MED27: variants seen among roughly 807,000 people sequenced by gnomAD.
MED27 encodes mediator of RNA polymerase II transcription subunit 27.
A neutral mutation model predicts 38.2 loss-of-function variants in MED27; 30 were observed. That is an observed-to-expected ratio of 0.79 (90% CI 0.59 to 1.07). The LOEUF (loss-of-function observed/expected upper bound fraction) is 1.07. MED27 is among the 50% of genes least tolerant of loss of function. The pLI is 0.00. For synonymous variants in MED27, 122 were observed against 153.5 expected (o/e 0.79, Z 1.52); for missense variants, 289 against 397.5 (o/e 0.73, Z 2.32).
intron 4 of MED27, among the ~76,000 whole-genome samples, chr9:131,919,468 T>C (rs1564283282): frequency 6.6e-6 from 1 of 152,006 alleles, no homozygotes; most frequent in African/African-American, 2.4e-5. Flanking sequence ...TGATTTTTTT[T>C]TTAAGGATGA....
chr9:132,048,725 G>A (rs1051667348), intron 2 of MED27, among the ~76,000 whole-genome samples: 1 of 152,142 alleles, frequency 6.6e-6, no homozygotes, highest in East Asian at 1.9e-4. Flanking sequence ...CTGTGGCCAC[G>A]GCCCGTCCTT....
chr9:132,034,601 G>T (rs565311489), intron 2 of MED27, among the ~76,000 whole-genome samples: 68 of 152,308 alleles, frequency 4.5e-4, no homozygotes, highest in African/African-American at 1.6e-3. Flanking sequence ...TGGAACCTCA[G>T]CGCGATAGCT....
chr9:131,885,333 A>G (rs568265171), intron 5 of MED27, among the ~76,000 whole-genome samples: 1 of 152,206 alleles, frequency 6.6e-6, no homozygotes, highest in Non-Finnish European at 1.5e-5. Context: ...GTGGTGCTCA[A>G]ATCCTGGCTG....
intron 2 of MED27, among the ~76,000 whole-genome samples, chr9:132,075,273 A>T (rs1199452861): frequency 6.6e-6 from 1 of 152,178 alleles, no homozygotes; most frequent in Admixed American, 6.5e-5. Context: ...AGCTATAAAC[A>T]GGTCAGTTTA....
intron 2 of MED27, among the ~76,000 whole-genome samples, chr9:132,063,575 A>G (rs1833744737): frequency 1.3e-5 from 2 of 152,234 alleles, no homozygotes; most frequent in African/African-American, 4.8e-5. Flanking sequence ...AGCAATTAAA[A>G]TTAACACGGA....
intron 2 of MED27, among the ~76,000 whole-genome samples, chr9:132,058,995 C>T (rs1224704145): frequency 6.6e-6 from 1 of 152,188 alleles, no homozygotes; most frequent in Non-Finnish European, 1.5e-5. Context: ...CCCTTCCCCA[C>T]CGTGCACACC....
chr9:132,016,687 T>G (rs1407611637), intron 2 of MED27, among the ~76,000 whole-genome samples: 1 of 152,196 alleles, frequency 6.6e-6, no homozygotes, highest in African/African-American at 2.4e-5. Flanking sequence ...GCTCAAGGAA[T>G]CGACTCTCCT....
chr9:131,945,372 G>A (rs1009598185), intron 3 of MED27, among the ~76,000 whole-genome samples: 8 of 151,970 alleles, frequency 5.3e-5, no homozygotes, highest in African/African-American at 1.9e-4. Context: ...CATATATTGT[G>A]GAACAGTTAA....
At chr9:131,885,657 C>A (rs1196840278) in intron 5 of MED27, among the ~76,000 whole-genome samples, 1 of 152,160 alleles carries the variant, frequency 6.6e-6, no homozygotes, top group Admixed American at 6.5e-5. Flanking sequence ...TCATTCTAAC[C>A]AAAAACATTT....
At position 132,077,494 on chromosome 9, in the gene MED27, T is replaced by A. The variant is rs1193316662; in HGVS notation, c.296A>T (p.Asp99Val). The change falls in exon 2 of 8, where the codon GAC becomes GTC. Residue 99 changes from aspartate (D) to valine (V), a missense_variant. Asp to Val is a radical substitution (Grantham distance 152, BLOSUM62 -3). Transcript: ENST00000292035. ...GAGTTGACTATAGAGAGGAGTTTTG[T>A]CCTGCACAGGATCCAGGCTTAACAG... is the stretch of plus-strand genomic sequence containing the variant. ...SGLLSLDPVQ[D>V]KTPLYSQLLQ... is the part of the protein sequence containing the mutation. 6.2e-7 allele frequency: 1 copy of A among 1,614,078 alleles called. No homozygotes were observed. Among genetic ancestry groups the A allele is most frequent in the Non-Finnish European group, 8.5e-7 (1 of 1,180,044 alleles).
intron 2 of MED27, among the ~76,000 whole-genome samples, chr9:132,017,040 A>G (rs1832618679): frequency 6.6e-6 from 1 of 152,212 alleles, no homozygotes; most frequent in East Asian, 1.9e-4. Flanking sequence ...ATAAGGATTA[A>G]GCAGCACTTG....
At chr9:132,055,258 T>C (rs1833551117) in intron 2 of MED27, among the ~76,000 whole-genome samples, 1 of 152,218 alleles carries the variant, frequency 6.6e-6, no homozygotes, top group Admixed American at 6.5e-5. Context: ...AAAATAGTTA[T>C]GCCCCCAATA....
chr9:131,992,594 A>C (rs1456213545), intron 3 of MED27, among the ~76,000 whole-genome samples: 1 of 151,926 alleles, frequency 6.6e-6, no homozygotes, highest in Non-Finnish European at 1.5e-5. Context: ...AGAGATGGGG[A>C]TCTAACTACA....
chr9:131,996,360 C>A (rs2131049610), intron 3 of MED27, among the ~76,000 whole-genome samples: 1 of 152,256 alleles, frequency 6.6e-6, no homozygotes, highest in Middle Eastern at 3.4e-3. Flanking sequence ...CTGGGTCTTG[C>A]CACTATGGGA....
At chr9:131,914,641 A>G (rs1335153965) in intron 4 of MED27, among the ~76,000 whole-genome samples, 3 of 152,184 alleles carry the variant, frequency 2.0e-5, no homozygotes, top group African/African-American at 7.2e-5. Context: ...TGGGTCACGT[A>G]GGGGCTTAGA....
At chr9:131,870,683 T>C (rs1213940216) in intron 6 of MED27, among the ~76,000 whole-genome samples, 2 of 152,106 alleles carry the variant, frequency 1.3e-5, no homozygotes, top group Non-Finnish European at 2.9e-5. Context: ...AAAGTGCCAT[T>C]TCCAGGCCCT....
In MED27 at chr9:131,893,935, G is replaced by T; in HGVS notation, c.631C>A (p.Arg211=). 1 of 1,614,080 alleles carries T rather than the reference G, an allele frequency of 6.2e-7. No homozygotes were observed. Among genetic ancestry groups the T allele is most frequent in the Non-Finnish European group, 8.5e-7 (1 of 1,180,010 alleles). ...TCGTTATATCCCTTTACTATTGTTCGATCAATGAACAGGCTCCGCATGACG... is the reference window on the plus strand; with the variant it reads ...TCGTTATATCCCTTTACTATTGTTCTATCAATGAACAGGCTCCGCATGACG... The part of the protein sequence containing the change: ...IVVMRSLFID[R]TIVKGYNENV... The change falls in exon 5 of 8, where the codon CGA becomes AGA. Residue 211 remains arginine, a synonymous_variant. Coordinates refer to ENST00000292035, the MANE Select transcript of MED27 (RefSeq NM_004269.4).
In MED27 at chr9:131,860,658, A is replaced by G. The variant is rs779311595; in HGVS notation, c.816T>C (p.Ser272=). 2.5e-6 allele frequency: 4 copies of G among 1,613,330 alleles called. No homozygotes were observed. The highest frequency in any genetic ancestry group is 1.1e-5 in the South Asian group (1 of 90,834). ...ACGGGGCCTGGAACAGCTTTATGTA[A>G]CTTCTTAACCAGGTCTAAAAAGAGA... is the stretch of plus-strand genomic sequence containing the variant. ...VVRSFMTWLR[S]YIKLFQAPCQ... Residue 272 remains serine (S), a synonymous_variant, in exon 8 of 8, where the codon AGT becomes AGC. Transcript: ENST00000292035. This position sits in a 1 kb window ranked among gnomAD's most constrained non-coding sequence, Gnocchi z 5.8.
chr9:132,022,562 C>G (rs1375155470), intron 2 of MED27, among the ~76,000 whole-genome samples: 2 of 152,122 alleles, frequency 1.3e-5, no homozygotes, highest in Non-Finnish European at 2.9e-5. Flanking sequence ...AAATCAACAT[C>G]AGTGAAATTT....
Sources: allele counts gnomAD v4.1 joint callset (sites outside exome capture counted in the v4.1 genomes callset), GRCh38; gene constraint gnomAD v4.1.1; non-coding constraint Gnocchi (gnomAD v3.1); transcripts MANE v1.5; gene names NCBI Gene and HGNC (gene_info 2026-07-23, HGNC 2026-07-21).